The following SHROOM3 variants were observed in gnomAD, a reference collection of about 807,000 sequenced individuals.
SHROOM3 encodes the protein shroom family member 3, also known as protein Shroom3.
A neutral mutation model predicts 138.6 loss-of-function variants in SHROOM3; 47 were observed. The observed-to-expected ratio is 0.34, with a 90% CI of 0.27 to 0.43. SHROOM3 has a LOEUF of 0.43. Ranked by LOEUF, SHROOM3 falls within the 20% of genes least tolerant of loss-of-function variation. SHROOM3 has a pLI of 1.00. For synonymous variants in SHROOM3, 1,062 were observed against 1,063.3 expected (o/e 1.00, Z 0.02); for missense variants, 2,491 against 2,596.5 (o/e 0.96, Z 0.88).
At chr4:76,560,679 T>A (rs147180725) in intron 2 of SHROOM3, among the ~76,000 whole-genome samples, 1 of 152,362 alleles carries the variant, frequency 6.6e-6, no homozygotes, top group East Asian at 1.9e-4. Context: ...GTGTTTTTAC[T>A]TGTAGTTGGC....
At chr4:76,737,240 AT>A (rs1283297205) in intron 4 of SHROOM3, among the ~76,000 whole-genome samples, 1 of 124,094 alleles carries the variant, frequency 8.1e-6, no homozygotes, top group Non-Finnish European at 1.7e-5. Flanking sequence ...TTTCTTTCAT[AT>A]TTTTTTCATG....
In SHROOM3 at chr4:76,557,659, T is replaced by C. The variant is rs189329563; in HGVS notation, c.323+1896T>C. 4.1e-3 allele frequency among the ~76,000 whole-genome samples: 618 copies of C among 152,322 alleles called. 4 individuals carry two copies. Among genetic ancestry groups the C allele is most frequent in the Admixed American group, 5.3e-3 (81 of 15,302 alleles). On this transcript the variant is annotated intron_variant, in intron 2 of 10. Transcript: ENST00000296043. ...GGTAACTGTGTGTTGATTAATTTGA[T>C]TTTTGATTGTGGTAATCATGACACA...
chr4:76,740,039 C>T lies in SHROOM3; in HGVS notation c.1866C>T (p.Leu622=). 5 of 1,613,904 alleles carry T rather than the reference C, an allele frequency of 3.1e-6. No homozygotes were observed. Among genetic ancestry groups the T allele is most frequent in the Non-Finnish European group, 4.2e-6 (5 of 1,180,042 alleles). ...GTGAAGACAAGAGATCTTCCAGGCT[C>T]TCAGAGCCCTGGGAGGGCGATTTCC... ...QAGEDKRSSR[L]SEPWEGDFQE... The change falls in exon 5 of 11, where the codon CTC becomes CTT. Residue 622 remains leucine (L), a synonymous_variant. Transcript: ENST00000296043. This position sits in a 1 kb window ranked among gnomAD's most constrained non-coding sequence, Gnocchi z 4.0.
intron 2 of SHROOM3, among the ~76,000 whole-genome samples, chr4:76,632,412 A>G (rs1158677969): frequency 1.3e-5 from 2 of 152,150 alleles, no homozygotes; most frequent in African/African-American, 4.8e-5. Flanking sequence ...AAGGAGAGAA[A>G]CTCAGTAGGG....
chr4:76,576,246 T>G (rs1384133949), intron 2 of SHROOM3, among the ~76,000 whole-genome samples: 1 of 152,174 alleles, frequency 6.6e-6, no homozygotes, highest in Non-Finnish European at 1.5e-5. Flanking sequence ...TGGAAGCAAC[T>G]TAAGTGTCCA....
chr4:76,440,440 A>G (rs1289601542), intron 1 of SHROOM3, among the ~76,000 whole-genome samples: 1 of 152,182 alleles, frequency 6.6e-6, no homozygotes, highest in Non-Finnish European at 1.5e-5. Context: ...TTCTAGAGCT[A>G]TTATCTGAGT....
intron 2 of SHROOM3, among the ~76,000 whole-genome samples, chr4:76,637,168 AAGATATTT>A (rs1735520940): frequency 6.6e-6 from 1 of 152,220 alleles, no homozygotes; most frequent in South Asian, 2.1e-4. Flanking sequence ...GATGAGAGAA[AAGATATTT>A]CTATGATATA....
At chr4:76,554,739 T>A (rs1367586239) in intron 1 of SHROOM3, among the ~76,000 whole-genome samples, 1 of 152,086 alleles carries the variant, frequency 6.6e-6, no homozygotes, top group African/African-American at 2.4e-5. Flanking sequence ...CAACTTCTAA[T>A]GTAACCCGTC....
chr4:76,771,599 C>T (rs1243142184), intron 10 of SHROOM3, among the ~76,000 whole-genome samples: 1 of 152,146 alleles, frequency 6.6e-6, no homozygotes, highest in Non-Finnish European at 1.5e-5. Flanking sequence ...TGAGGACGCA[C>T]CAGGGTGTCT....
chr4:76,592,399 G>A lies in SHROOM3; in HGVS notation c.323+36636G>A, dbSNP rs375097294. Among the ~76,000 whole-genome samples, 109 of 152,236 alleles carry A rather than the reference G, an allele frequency of 7.2e-4. 1 individual carries two copies. Among genetic ancestry groups the A allele is most frequent in the African/African-American group, 2.6e-3 (106 of 41,528 alleles). ...AGTGCCTAGCACACAGAAAATCTTC[G>A]GTACTTGTTAGCTGTCATCCATTTG... On this transcript the variant is annotated intron_variant, in intron 2 of 10. Transcript: ENST00000296043.
In SHROOM3 at chr4:76,579,230, A is replaced by G. The variant is rs562969344; in HGVS notation, c.323+23467A>G. Among the ~76,000 whole-genome samples the G allele has an allele frequency of 1.6e-4, 24 of 152,162 alleles. 1 individual carries two copies. The East Asian group carries it at 2.7e-3, about 17-fold the overall frequency. ...ACGCCTGTAATCCCAGCACTTTGGG[A>G]GGCCAAGGCGGGCAGATCACGAGGT... On this transcript the variant is annotated intron_variant, in intron 2 of 10. Transcript: ENST00000296043.
intron 2 of SHROOM3, among the ~76,000 whole-genome samples, chr4:76,665,358 C>T (rs762109998): frequency 1.8e-4 from 27 of 152,076 alleles, no homozygotes; most frequent in Non-Finnish European, 3.7e-4. Flanking sequence ...ATTTCTTGAC[C>T]CACCCTTAAT....
chr4:76,481,695 A>G (rs1246328292), intron 1 of SHROOM3, among the ~76,000 whole-genome samples: 1 of 152,186 alleles, frequency 6.6e-6, no homozygotes, highest in Non-Finnish European at 1.5e-5. Context: ...GCAGAGACAC[A>G]ACAAAAAATG....
chr4:76,696,828 C>G (rs1483884111), intron 2 of SHROOM3, among the ~76,000 whole-genome samples: 1 of 152,200 alleles, frequency 6.6e-6, no homozygotes, highest in East Asian at 1.9e-4. Context: ...GTTTTCACAT[C>G]CAGCTTGGAA....
At chr4:76,618,634 A>G (rs185799260) in intron 2 of SHROOM3, among the ~76,000 whole-genome samples, 35 of 152,334 alleles carry the variant, frequency 2.3e-4, no homozygotes, top group Non-Finnish European at 3.5e-4. Flanking sequence ...ACCACTGAAG[A>G]TAAGTTAGAG....
chr4:76,596,063 C>T (rs1410433824), intron 2 of SHROOM3, among the ~76,000 whole-genome samples: 5 of 152,050 alleles, frequency 3.3e-5, no homozygotes, highest in East Asian at 1.9e-4. Flanking sequence ...TTTCACCTTG[C>T]TCTCTCTGTC....
chr4:76,594,454 A>G (rs1734339900), intron 2 of SHROOM3, among the ~76,000 whole-genome samples: 1 of 152,228 alleles, frequency 6.6e-6, no homozygotes, highest in Non-Finnish European at 1.5e-5. Flanking sequence ...ATGCCATCCT[A>G]GTCTCAAGAG....
At chr4:76,535,095 T>C (rs1732924022) in intron 1 of SHROOM3, among the ~76,000 whole-genome samples, 1 of 152,210 alleles carries the variant, frequency 6.6e-6, no homozygotes, top group Admixed American at 6.5e-5. Context: ...CTAATTCATG[T>C]TTAATACTTG....
chr4:76,492,083 G>A (rs1228670822), intron 1 of SHROOM3, among the ~76,000 whole-genome samples: 1 of 152,184 alleles, frequency 6.6e-6, no homozygotes, highest in African/African-American at 2.4e-5. Context: ...CCTCTGTTAG[G>A]TTTCAATAGT....
Sources: allele counts gnomAD v4.1 joint callset (sites outside exome capture counted in the v4.1 genomes callset), GRCh38; gene constraint gnomAD v4.1.1; non-coding constraint Gnocchi (gnomAD v3.1); transcripts MANE v1.5; gene names NCBI Gene and HGNC (gene_info 2026-07-23, HGNC 2026-07-21).